The following ADAMTS19 variants were observed in gnomAD, a reference collection of about 807,000 sequenced individuals.
The protein encoded by ADAMTS19 is ADAM metallopeptidase with thrombospondin type 1 motif 19.
Under a neutral mutation model 153.3 loss-of-function variants are expected in ADAMTS19, and 93 were observed. The ratio of observed to expected loss-of-function variants is 0.61; its 90% CI spans 0.51 to 0.72. ADAMTS19 has a LOEUF of 0.72. Ranked by LOEUF, ADAMTS19 falls within the 30% of genes least tolerant of loss-of-function variation. The pLI, the probability that ADAMTS19 is intolerant of heterozygous loss-of-function variation, is 0.00. For missense variants in ADAMTS19, 1,482 were observed against 1,552.1 expected (o/e 0.95, Z 0.76); for synonymous variants, 600 against 556.6 (o/e 1.08, Z -1.10).
intron 21 of ADAMTS19, among the ~76,000 whole-genome samples, chr5:129,705,400 C>T (rs1294055116): frequency 6.6e-6 from 1 of 152,142 alleles, no homozygotes; most frequent in Non-Finnish European, 1.5e-5. Flanking sequence ...TGCCCCAAAG[C>T]AATCCATGGC....
At position 129,578,070 on chromosome 5, in the gene ADAMTS19, AC is replaced by A. The variant is rs1749252648; in HGVS notation, c.1373-18488del. ...CACACACACACACACACACACACAC[AC>A]ACACACACATATATACATATACATA... On this transcript the variant is annotated intron_variant, in intron 7 of 22. Coordinates refer to ENST00000274487, the MANE Select transcript of ADAMTS19 (RefSeq NM_133638.6). Among the ~76,000 whole-genome samples the A allele has an allele frequency of 1.4e-5, 2 of 140,042 alleles. 1 individual carries two copies. Among genetic ancestry groups the A allele is most frequent in the Non-Finnish European group, 3.2e-5 (2 of 62,882 alleles). 91.9% of individuals were successfully genotyped at this position (140,042 alleles called of 152,430 possible). A position where few individuals can be genotyped will look rare whatever the true frequency, so the allele number is the denominator to read the frequency against.
intron 2 of ADAMTS19, among the ~76,000 whole-genome samples, chr5:129,476,021 A>AT (rs1043213329): frequency 5.1e-4 from 78 of 151,468 alleles, no homozygotes; most frequent in East Asian, 2.0e-3. Flanking sequence ...AAAACCGATT[A>AT]TTTTTTTTTC....
chr5:129,718,530 A>G (rs185326246), intron 21 of ADAMTS19, among the ~76,000 whole-genome samples: 2 of 152,272 alleles, frequency 1.3e-5, no homozygotes, highest in African/African-American at 2.4e-5. Flanking sequence ...AAACAAACCT[A>G]ACTTTTGTTC....
At chr5:129,632,429 T>C (rs1752343690) in intron 10 of ADAMTS19, among the ~76,000 whole-genome samples, 1 of 151,982 alleles carries the variant, frequency 6.6e-6, no homozygotes, top group African/African-American at 2.4e-5. Flanking sequence ...TTTTACTTAA[T>C]ATACATTGCA....
chr5:129,524,615 A>AAAAAAACATC (rs1751938887), intron 3 of ADAMTS19, among the ~76,000 whole-genome samples: 1 of 152,038 alleles, frequency 6.6e-6, no homozygotes. Flanking sequence ...TACAAGAAAA[A>AAAAAAACATC]AAAAAAACAT....
intron 19 of ADAMTS19, among the ~76,000 whole-genome samples, chr5:129,698,166 T>C (rs934243576): frequency 2.0e-5 from 3 of 152,216 alleles, no homozygotes; most frequent in Admixed American, 2.0e-4. Flanking sequence ...GTCTTTTTGT[T>C]AGAGATTATT....
intron 10 of ADAMTS19, among the ~76,000 whole-genome samples, chr5:129,625,921 G>A (rs1752022564): frequency 6.6e-6 from 1 of 152,082 alleles, no homozygotes; most frequent in Admixed American, 6.6e-5. Context: ...CCTTGCCCAT[G>A]CCTATGTCCT....
intron 8 of ADAMTS19, among the ~76,000 whole-genome samples, chr5:129,607,390 A>T (rs1750953971): frequency 6.6e-6 from 1 of 152,194 alleles, no homozygotes. Flanking sequence ...CACAGCACGA[A>T]GTTGAATGTA....
At chr5:129,715,524 A>G (rs1756684335) in intron 21 of ADAMTS19, among the ~76,000 whole-genome samples, 1 of 152,204 alleles carries the variant, frequency 6.6e-6, no homozygotes, top group South Asian at 2.1e-4. Flanking sequence ...GAATTGTAGT[A>G]TCAGTGGGGC....
chr5:129,670,153 C>T (rs1371912515), intron 16 of ADAMTS19, among the ~76,000 whole-genome samples: 1 of 152,106 alleles, frequency 6.6e-6, no homozygotes, highest in East Asian at 1.9e-4. Context: ...TCTAACCAAG[C>T]CACTCTGTAT....
intron 21 of ADAMTS19, among the ~76,000 whole-genome samples, chr5:129,719,612 A>G (rs566800660): frequency 1.3e-5 from 2 of 152,348 alleles, no homozygotes; most frequent in Admixed American, 6.5e-5. Flanking sequence ...ATGGACAAAT[A>G]TGGAACATTT....
intron 17 of ADAMTS19, 53 bp from the exon 18 acceptor site, chr5:129,684,067 T>G: frequency 6.5e-7 from 1 of 1,528,708 alleles, no homozygotes; most frequent in Non-Finnish European, 8.9e-7. Context: ...ATGCTTTACA[T>G]TGCACGTGCT....
intron 8 of ADAMTS19, among the ~76,000 whole-genome samples, chr5:129,597,669 G>A (rs1040743104): frequency 1.3e-5 from 2 of 152,116 alleles, no homozygotes; most frequent in African/African-American, 4.8e-5. Flanking sequence ...CACTTTGGGA[G>A]GCCGAGGTGG....
intron 21 of ADAMTS19, among the ~76,000 whole-genome samples, chr5:129,711,114 A>T (rs1485559646): frequency 2.0e-5 from 3 of 152,238 alleles, no homozygotes; most frequent in Admixed American, 1.3e-4. Context: ...ACATAACTAA[A>T]TGAAGCAGGC....
At chr5:129,678,358 G>A (rs1458027294) in intron 16 of ADAMTS19, among the ~76,000 whole-genome samples, 1 of 151,960 alleles carries the variant, frequency 6.6e-6, no homozygotes, top group African/African-American at 2.4e-5. Flanking sequence ...CCTCAGAGGA[G>A]CCTCTTTCAA....
At chr5:129,545,160 A>C (rs957545159) in intron 6 of ADAMTS19, among the ~76,000 whole-genome samples, 3 of 152,106 alleles carry the variant, frequency 2.0e-5, no homozygotes, top group East Asian at 3.9e-4. Context: ...ATTAAAAAAA[A>C]TAAAAAATTT....
intron 11 of ADAMTS19, among the ~76,000 whole-genome samples, chr5:129,646,952 A>C (rs1488570594): frequency 1.3e-5 from 2 of 152,022 alleles, no homozygotes; most frequent in African/African-American, 2.4e-5. Flanking sequence ...CTGTCCCCCA[A>C]ATTCTAGCAA....
chr5:129,516,739 A>G, intron 3 of ADAMTS19, among the ~76,000 whole-genome samples: 1 of 148,564 alleles, frequency 6.7e-6, no homozygotes, highest in Non-Finnish European at 1.5e-5. Flanking sequence ...TTTTCAAATA[A>G]AGCAACCTTC....
chr5:129,612,918 A>T (rs1008379470), intron 8 of ADAMTS19, among the ~76,000 whole-genome samples: 2 of 152,186 alleles, frequency 1.3e-5, no homozygotes, highest in Admixed American at 6.5e-5. Context: ...CTTTAAACCA[A>T]CAAAGATCAA....
Sources: allele counts gnomAD v4.1 joint callset (sites outside exome capture counted in the v4.1 genomes callset), GRCh38; gene constraint gnomAD v4.1.1; transcripts MANE v1.5; gene names NCBI Gene and HGNC (gene_info 2026-07-23, HGNC 2026-07-21).